The following NSMCE2 variants were observed in gnomAD, a reference collection of about 807,000 sequenced individuals.
NSMCE2 encodes E3 SUMO-protein ligase NSE2.
NSMCE2 carries 24 observed loss-of-function variants against 23.8 expected under a neutral mutation model. The ratio of observed to expected loss-of-function variants is 1.01; its 90% CI spans 0.73 to 1.42. The LOEUF is 1.42. Among genes scored for constraint, NSMCE2 ranks in the 40% most tolerant of loss-of-function variants. NSMCE2 has a pLI of 0.00. For missense variants in NSMCE2, 284 were observed against 296.5 expected, an observed-to-expected ratio of 0.96 and a Z score of 0.31; for synonymous variants, 92 against 94.1, an observed-to-expected ratio of 0.98 and a Z score of 0.13.
chr8:125,222,349 C>T (rs1563728334), intron 5 of NSMCE2, among the ~76,000 whole-genome samples: 1 of 151,982 alleles, frequency 6.6e-6, no homozygotes, highest in Non-Finnish European at 1.5e-5. Context: ...TCTGTCACCT[C>T]ATTTCCTTTT....
intron 1 of NSMCE2, among the ~76,000 whole-genome samples, chr8:125,100,048 A>C (rs750470400): frequency 5.3e-5 from 8 of 152,048 alleles, no homozygotes; most frequent in Admixed American, 1.3e-4. Flanking sequence ...TCTAGGAGCA[A>C]CAGTTTATTC....
intron 5 of NSMCE2, among the ~76,000 whole-genome samples, chr8:125,191,025 G>A (rs528961643): frequency 3.8e-4 from 58 of 151,822 alleles, no homozygotes; most frequent in Non-Finnish European, 6.5e-4. Context: ...CACCCGCCAC[G>A]CCACCTAGCT....
chr8:125,251,209 C>T lies in NSMCE2; in HGVS notation c.418+68953C>T, dbSNP rs185907376. Among the ~76,000 whole-genome samples the T allele has an allele frequency of 7.2e-4, 110 of 152,236 alleles. 2 individuals are homozygous for T. In the East Asian group the frequency reaches 0.019, roughly 27 times the overall value. ...TAAATGTCAATAGCTTTCTTATATA[C>T]TACCCATACCCATTAGAAAGTTTCA... On this transcript the variant is annotated intron_variant, in intron 5 of 7. Coordinates refer to ENST00000287437, the MANE Select transcript of NSMCE2 (RefSeq NM_173685.4).
At chr8:125,100,239 A>G (rs77664120) in intron 1 of NSMCE2, among the ~76,000 whole-genome samples, 3,215 of 152,226 alleles carry the variant, frequency 0.021, 72 homozygotes, top group Admixed American at 0.053. Context: ...TAGTGAGAGG[A>G]GTCGTAAAAG....
intron 5 of NSMCE2, among the ~76,000 whole-genome samples, chr8:125,331,626 C>T (rs1829881534): frequency 6.6e-6 from 1 of 151,876 alleles, no homozygotes; most frequent in Non-Finnish European, 1.5e-5. Context: ...TCTTTTTATA[C>T]ACTTTTCTCT....
At chr8:125,261,750 A>AC (rs1826699571) in intron 5 of NSMCE2, among the ~76,000 whole-genome samples, 1 of 151,932 alleles carries the variant, frequency 6.6e-6, no homozygotes. Flanking sequence ...AGAAGTAAAA[A>AC]AAAAAAAACA....
intron 5 of NSMCE2, among the ~76,000 whole-genome samples, chr8:125,290,242 TAAGTAGA>T (rs1828056484): frequency 6.6e-6 from 1 of 152,152 alleles, no homozygotes; most frequent in Non-Finnish European, 1.5e-5. Context: ...AAAATCATAT[TAAGTAGA>T]AATGTCTTAG....
chr8:125,309,520 T>A (rs1828897591), intron 5 of NSMCE2, among the ~76,000 whole-genome samples: 1 of 152,026 alleles, frequency 6.6e-6, no homozygotes, highest in South Asian at 2.1e-4. Context: ...CTCGGGAGTT[T>A]GAGAGCAAGC....
intron 5 of NSMCE2, among the ~76,000 whole-genome samples, chr8:125,267,734 G>C (rs921282870): frequency 1.3e-5 from 2 of 152,138 alleles, no homozygotes; most frequent in African/African-American, 4.8e-5. Context: ...CCAAGATCGT[G>C]CCACTGCATT....
chr8:125,284,427 C>G (rs1199059589), intron 5 of NSMCE2, among the ~76,000 whole-genome samples: 1 of 152,076 alleles, frequency 6.6e-6, no homozygotes, highest in Non-Finnish European at 1.5e-5. Flanking sequence ...CTGACCAACC[C>G]ATTGGTCTTT....
chr8:125,262,490 G>A (rs531986087), intron 5 of NSMCE2, among the ~76,000 whole-genome samples: 65 of 152,208 alleles, frequency 4.3e-4, no homozygotes, highest in African/African-American at 1.5e-3. Context: ...CCTTTAGTTT[G>A]CCATTCATTC....
intron 5 of NSMCE2, among the ~76,000 whole-genome samples, chr8:125,195,618 A>G (rs1823576320): frequency 6.6e-6 from 1 of 152,186 alleles, no homozygotes; most frequent in African/African-American, 2.4e-5. Context: ...ACAGATGTTC[A>G]TTTAATATGC....
intron 5 of NSMCE2, among the ~76,000 whole-genome samples, chr8:125,246,775 A>G (rs1282949301): frequency 1.3e-5 from 2 of 152,344 alleles, no homozygotes; most frequent in South Asian, 2.1e-4. Flanking sequence ...ATTGAAAAAT[A>G]AAAACATTAT....
intron 4 of NSMCE2, among the ~76,000 whole-genome samples, chr8:125,157,949 T>C (rs1362122529): frequency 6.6e-6 from 1 of 152,228 alleles, no homozygotes; most frequent in Non-Finnish European, 1.5e-5. Flanking sequence ...ATTAAAAGAA[T>C]TTCCTTAAAG....
At chr8:125,293,577 G>A (rs1170870602) in intron 5 of NSMCE2, among the ~76,000 whole-genome samples, 1 of 135,066 alleles carries the variant, frequency 7.4e-6, no homozygotes, top group African/African-American at 3.0e-5. Context: ...AACACAAACA[G>A]GAGGAAGGTT....
intron 5 of NSMCE2, among the ~76,000 whole-genome samples, chr8:125,285,297 G>A (rs998387665): frequency 6.6e-6 from 1 of 152,282 alleles, no homozygotes; most frequent in Non-Finnish European, 1.5e-5. Context: ...ACACAAGAAA[G>A]TGACTTTTTA....
chr8:125,318,581 G>C (rs1829300480), intron 5 of NSMCE2, among the ~76,000 whole-genome samples: 1 of 152,114 alleles, frequency 6.6e-6, no homozygotes, highest in African/African-American at 2.4e-5. Context: ...AACATCTATT[G>C]TATCAGCCAA....
chr8:125,123,585 T>G (rs1819369226), intron 3 of NSMCE2, among the ~76,000 whole-genome samples: 1 of 152,262 alleles, frequency 6.6e-6, no homozygotes. Flanking sequence ...AACCCACATG[T>G]GTACATGCGC....
intron 5 of NSMCE2, among the ~76,000 whole-genome samples, chr8:125,302,936 T>C (rs991798305): frequency 6.6e-6 from 1 of 152,110 alleles, no homozygotes; most frequent in Non-Finnish European, 1.5e-5. Flanking sequence ...TGAGCACACA[T>C]CATGCACCAC....
Sources: allele counts gnomAD v4.1 joint callset (sites outside exome capture counted in the v4.1 genomes callset), GRCh38; gene constraint gnomAD v4.1.1; transcripts MANE v1.5; gene names NCBI Gene and HGNC (gene_info 2026-07-23, HGNC 2026-07-21).